ASTN1: variants seen among roughly 807,000 people sequenced by gnomAD.
ASTN1 encodes the protein astrotactin-1.
Under a neutral mutation model 140.7 loss-of-function variants are expected in ASTN1, and 41 were observed. That is an observed-to-expected ratio of 0.29 (90% CI 0.23 to 0.38). The LOEUF (loss-of-function observed/expected upper bound fraction) is 0.38, where lower values mean the gene tolerates loss of function less well. ASTN1 is among the 10% of genes least tolerant of loss of function. The probability of loss-of-function intolerance (pLI) is 1.00; values close to 1 mark genes in which losing one functional copy is unlikely to be tolerated. For missense variants in ASTN1, 1,479 were observed against 1,678.8 expected (o/e 0.88, Z 2.08); for synonymous variants, 640 against 652.2 (o/e 0.98, Z 0.29).
chr1:176,906,843 CAAAAAA>C (rs35062067), intron 16 of ASTN1, among the ~76,000 whole-genome samples: 1 of 86,516 alleles, frequency 1.2e-5, no homozygotes, highest in Admixed American at 1.3e-4. Flanking sequence ...GACTCTCTCT[CAAAAAA>C]AAAAAAAAAA....
At chr1:176,999,488 T>A (rs1458091542) in intron 8 of ASTN1, among the ~76,000 whole-genome samples, 3 of 152,236 alleles carry the variant, frequency 2.0e-5, no homozygotes, top group African/African-American at 7.2e-5. Context: ...ATCATCAGTA[T>A]ACTTGATGAA....
intron 6 of ASTN1, 103 bp downstream of exon 6, chr1:177,024,480 A>G (rs908349473): frequency 6.4e-6 from 9 of 1,411,684 alleles, no homozygotes; most frequent in Non-Finnish European, 8.7e-6. Flanking sequence ...TTCCCCCGGT[A>G]GAGTAATAGG....
Position 177,023,236 on chromosome 1 carries a change from T to A in ASTN1, c.1438+168A>T, listed in dbSNP as rs1227171182. On this transcript the variant is annotated intron_variant, in intron 7 of 22. Transcript: ENST00000361833. ...TCTTCTGCCAGAAAATGACCACAGT[T>A]TTAGCCAATAAGCTCTGCGGCCCAA... 8.5e-5 allele frequency: 71 copies of A among 835,760 alleles called. 2 individuals carry two copies. The South Asian group carries it at 1.5e-3, about 17-fold the overall frequency. 51.8% of individuals were successfully genotyped at this position (835,760 alleles called of 1,614,324 possible).
intron 2 of ASTN1, among the ~76,000 whole-genome samples, chr1:177,054,781 A>G (rs549409244): frequency 6.6e-6 from 1 of 152,340 alleles, no homozygotes; most frequent in Admixed American, 6.5e-5. Context: ...TGGAGTGTCA[A>G]ACACATAAAA....
At chr1:176,879,027 T>G in intron 20 of ASTN1, among the ~76,000 whole-genome samples, 1 of 152,160 alleles carries the variant, frequency 6.6e-6, no homozygotes, top group East Asian at 1.9e-4. Flanking sequence ...TAAGCCCAGT[T>G]CTGGCTATCA....
At chr1:177,083,419 T>C (rs143568950) in intron 1 of ASTN1, among the ~76,000 whole-genome samples, 2 of 152,272 alleles carry the variant, frequency 1.3e-5, no homozygotes, top group East Asian at 3.9e-4. Flanking sequence ...TTCTTTTCTC[T>C]GTGCCAAATC....
intron 9 of ASTN1, 120 bp downstream of exon 9, chr1:176,965,042 TG>T: frequency 2.3e-6 from 2 of 873,262 alleles, no homozygotes; most frequent in Non-Finnish European, 3.7e-6. Context: ...TGTTAGCAGG[TG>T]GTCGTGACAA....
intron 2 of ASTN1, among the ~76,000 whole-genome samples, chr1:177,053,334 A>C (rs1461949348): frequency 6.6e-6 from 1 of 152,180 alleles, no homozygotes; most frequent in Non-Finnish European, 1.5e-5. Flanking sequence ...TTTTCTTGCT[A>C]TCTGCAGAGA....
At chr1:176,992,863 C>T (rs1674252846) in intron 8 of ASTN1, among the ~76,000 whole-genome samples, 1 of 152,156 alleles carries the variant, frequency 6.6e-6, no homozygotes, top group Non-Finnish European at 1.5e-5. Flanking sequence ...AAACTCCACC[C>T]AAATTCCTAT....
At chr1:176,946,247 G>A (rs1671955094) in intron 12 of ASTN1, 127 bp from the exon 13 acceptor site, 1 of 916,450 alleles carries the variant, frequency 1.1e-6, no homozygotes, top group Admixed American at 3.0e-5. Context: ...AGATTTCCAA[G>A]TTATATTCCA....
chr1:177,001,325 C>T (rs115253202), intron 8 of ASTN1, among the ~76,000 whole-genome samples: 1 of 152,186 alleles, frequency 6.6e-6, no homozygotes, highest in Non-Finnish European at 1.5e-5. Flanking sequence ...AGGTTGACAT[C>T]ATTTGGTGAA....
Position 176,894,628 on chromosome 1 carries a change from C to T in ASTN1, c.2874G>A (p.Pro958=), listed in dbSNP as rs373256464. The change falls in exon 17 of 23, where the codon CCG becomes CCA. Residue 958 remains proline (P), a synonymous_variant. Transcript: ENST00000361833. ...VTSSPDTPAE[P]VLLEVTKAAP... is the part of the protein sequence containing the mutation. Reference sequence around the variant, plus strand: ...CTGCTTTGGTCACCTCCAGCAGAACCGGCTCAGCAGGGGTGTCAGGGCTGG... The same window carrying T: ...CTGCTTTGGTCACCTCCAGCAGAACTGGCTCAGCAGGGGTGTCAGGGCTGG... 3.0e-5 allele frequency: 48 copies of T among 1,613,984 alleles called. No homozygotes were observed. In the Middle Eastern group the frequency reaches 6.6e-4, roughly 22 times the overall value.
At chr1:176,978,368 C>T (rs1484432948) in intron 8 of ASTN1, among the ~76,000 whole-genome samples, 1 of 152,098 alleles carries the variant, frequency 6.6e-6, no homozygotes, top group Non-Finnish European at 1.5e-5. Flanking sequence ...GAAAGAGAAA[C>T]CCAGAGGGAG....
At chr1:177,145,504 C>A (rs368350814) in intron 1 of ASTN1, among the ~76,000 whole-genome samples, 43 of 152,278 alleles carry the variant, frequency 2.8e-4, no homozygotes, top group African/African-American at 9.9e-4. Context: ...TCCCATATGG[C>A]CGAAGGGAAT....
intron 8 of ASTN1, among the ~76,000 whole-genome samples, chr1:177,013,350 C>A (rs1241786258): frequency 6.6e-6 from 1 of 152,206 alleles, no homozygotes; most frequent in Admixed American, 6.5e-5. Context: ...CCAACTTCAA[C>A]CTGTTCCAGA....
chr1:176,944,797 T>C (rs531932277), intron 13 of ASTN1, among the ~76,000 whole-genome samples: 1 of 152,362 alleles, frequency 6.6e-6, no homozygotes, highest in East Asian at 1.9e-4. Flanking sequence ...GGCAGTCTCA[T>C]TTCTAGACTA....
rs536485455 is a variant in ASTN1, at chr1:177,030,747, C to T, written c.1012+59G>A. The T allele has an allele frequency of 1.8e-5, 29 of 1,599,748 alleles. No individual in the cohort carries two copies. The East Asian group carries it at 6.0e-4, about 33-fold the overall frequency. ...GAGAATGGGTAGAAGATATTAATGG[C>T]CCTGCCTCTACCAATATGAAGGAAT... On this transcript the variant is annotated intron_variant, in intron 4 of 22. Coordinates refer to ENST00000361833, the MANE Select transcript of ASTN1 (RefSeq NM_004319.3).
At chr1:177,159,659 C>T (rs182537180) in intron 1 of ASTN1, among the ~76,000 whole-genome samples, 40 of 152,356 alleles carry the variant, frequency 2.6e-4, no homozygotes, top group Admixed American at 2.6e-3. Context: ...ACAAAGATCA[C>T]TGGCTTTGGA....
At chr1:177,133,844 A>G (rs767138795) in intron 1 of ASTN1, among the ~76,000 whole-genome samples, 11 of 152,226 alleles carry the variant, frequency 7.2e-5, no homozygotes, top group Non-Finnish European at 1.5e-4. Context: ...CGCATGCTAT[A>G]TGAGGGAAGG....
Sources: gnomAD v4.1 joint callset for allele counts (sites outside exome capture counted in the v4.1 genomes callset) on GRCh38, gnomAD v4.1.1 for gene constraint, MANE v1.5 for transcripts, NCBI Gene and HGNC (gene_info 2026-07-23, HGNC 2026-07-21) for gene names.